TNKS2: variants seen among roughly 807,000 people sequenced by gnomAD.
TNKS2 encodes the protein tankyrase 2.
Under a neutral mutation model 137.6 loss-of-function variants are expected in TNKS2, and 72 were observed. The ratio of observed to expected loss-of-function variants is 0.52; its 90% CI spans 0.43 to 0.64. TNKS2 has a LOEUF of 0.64. Ranked by LOEUF, TNKS2 falls within the 30% of genes least tolerant of loss-of-function variation. The pLI, the probability that TNKS2 is intolerant of heterozygous loss-of-function variation, is 0.00. For missense variants in TNKS2, 1,049 were observed against 1,410.2 expected (o/e 0.74, Z 4.10); for synonymous variants, 516 against 512.1 (o/e 1.01, Z -0.10).
intron 7 of TNKS2, among the ~76,000 whole-genome samples, chr10:91,823,975 A>G (rs1009459311): frequency 6.6e-6 from 1 of 152,240 alleles, no homozygotes; most frequent in Non-Finnish European, 1.5e-5. Context: ...GTAAAACTGA[A>G]TCTTGACTCC....
intron 1 of TNKS2, among the ~76,000 whole-genome samples, chr10:91,807,865 G>C (rs1017992720): frequency 6.6e-6 from 1 of 151,916 alleles, no homozygotes; most frequent in Non-Finnish European, 1.5e-5. Context: ...GCGTGGTGGC[G>C]GGCACCTGTA....
chr10:91,822,866 A>G (rs1440879164), intron 7 of TNKS2, among the ~76,000 whole-genome samples: 3 of 152,008 alleles, frequency 2.0e-5, no homozygotes, highest in African/African-American at 2.4e-5. Context: ...CCTGGATACC[A>G]TATGTTTTTA....
At chr10:91,854,767 G>T (rs187264183) in intron 21 of TNKS2, among the ~76,000 whole-genome samples, 241 of 152,056 alleles carry the variant, frequency 1.6e-3, no homozygotes, top group African/African-American at 5.4e-3. Context: ...GCCAGTCGTG[G>T]TAGCGAATGC....
intron 18 of TNKS2, 91 bp downstream of exon 18, chr10:91,846,031 T>G: frequency 8.5e-7 from 1 of 1,174,144 alleles, no homozygotes; most frequent in African/African-American, 1.5e-5. Flanking sequence ...ATAGTCAATG[T>G]GAATGGCAAA....
At chr10:91,823,172 A>G (rs962317126) in intron 7 of TNKS2, among the ~76,000 whole-genome samples, 1 of 149,536 alleles carries the variant, frequency 6.7e-6, no homozygotes, top group Non-Finnish European at 1.5e-5. Context: ...AAACCACCAG[A>G]TATAATAGCA....
chr10:91,848,288 G>T (rs1448742400), intron 18 of TNKS2, 95 bp from the exon 19 acceptor site: 4 of 1,349,532 alleles, frequency 3.0e-6, no homozygotes, highest in Non-Finnish European at 3.9e-6. Flanking sequence ...GGCACAAATT[G>T]CTGGGTTTTC....
intron 18 of TNKS2, 47 bp downstream of exon 18, chr10:91,845,987 T>C (rs1311043086): frequency 7.0e-7 from 1 of 1,426,716 alleles, no homozygotes; most frequent in Non-Finnish European, 9.4e-7. Flanking sequence ...TCTGACTTGT[T>C]AAAATTCACT....
In TNKS2 at chr10:91,855,052, A is replaced by C; in HGVS notation, c.2839A>C (p.Asn947His). 1 of 1,609,868 alleles carries C rather than the reference A, an allele frequency of 6.2e-7. No individual in the cohort carries two copies. Among genetic ancestry groups the C allele is most frequent in the Non-Finnish European group, 8.5e-7 (1 of 1,176,714 alleles). The change falls in exon 22 of 27, where the codon AAC (asparagine) becomes CAC (histidine). Residue 947 changes from asparagine to histidine, a missense_variant. Physicochemically the swap from Asn to His is moderately conservative, Grantham distance 68 (BLOSUM62 1). Coordinates refer to ENST00000371627, the MANE Select transcript of TNKS2 (RefSeq NM_025235.4). ...QQGLNPYLTL[N>H]TSGSGTILID... ...AGGTCTTAACCCATATTTAACTTTG[A>C]ACACCTCTGGTAGTGGAACAATTCT...
chr10:91,800,112 CTT>C (rs1198082653), intron 1 of TNKS2, among the ~76,000 whole-genome samples: 1 of 152,062 alleles, frequency 6.6e-6, no homozygotes, highest in Admixed American at 6.6e-5. Flanking sequence ...ATTGGGGAGT[CTT>C]TTAAAAAGAA....
chr10:91,803,591 G>A (rs776290433), intron 1 of TNKS2, among the ~76,000 whole-genome samples: 26 of 152,166 alleles, frequency 1.7e-4, no homozygotes, highest in Admixed American at 6.5e-4. Context: ...CCGAGATTGC[G>A]CCATTGCACT....
intron 6 of TNKS2, among the ~76,000 whole-genome samples, chr10:91,821,399 A>G (rs921139291): frequency 1.3e-5 from 2 of 152,108 alleles, no homozygotes; most frequent in East Asian, 1.9e-4. Context: ...GTTAGGAACA[A>G]AATTGGTGCT....
At chr10:91,849,485 T>G in intron 19 of TNKS2, 27 bp from the exon 20 acceptor site, 1 of 1,565,474 alleles carries the variant, frequency 6.4e-7, no homozygotes, top group Non-Finnish European at 8.8e-7. Context: ...TGAAATTCCA[T>G]TTGTTTTGGA....
At position 91,841,146 on chromosome 10, in the gene TNKS2, A is replaced by T. The variant is rs568536717; in HGVS notation, c.1674-137A>T. On this transcript the variant is annotated intron_variant, in intron 14 of 26. Coordinates refer to ENST00000371627, the MANE Select transcript of TNKS2 (RefSeq NM_025235.4). ...CCAAAAAGAACTTATTTCTGCCTTAAATAGATTTAGGTTCTACAAAGTATA... is the reference window on the plus strand; with the variant it reads ...CCAAAAAGAACTTATTTCTGCCTTATATAGATTTAGGTTCTACAAAGTATA... The T allele has an allele frequency of 5.2e-6, 4 of 767,714 alleles. No individual in the cohort carries two copies. The East Asian group carries it at 1.3e-4, about 25-fold the overall frequency. The allele number at this position is 767,714 out of a possible 1,614,324, so 47.6% of individuals were successfully genotyped here. A position where few individuals can be genotyped will look rare whatever the true frequency, so the allele number is the denominator to read the frequency against.
At chr10:91,841,097 T>G (rs1842197306) in intron 14 of TNKS2, among the ~76,000 whole-genome samples, 186 bp from the exon 15 acceptor site, 1 of 152,176 alleles carries the variant, frequency 6.6e-6, no homozygotes, top group Non-Finnish European at 1.5e-5. Context: ...TTAAAACATT[T>G]TTTAAATGTT....
chr10:91,862,846 T>G, intron 26 of TNKS2, 91 bp from the exon 27 acceptor site: 2 of 832,310 alleles, frequency 2.4e-6, no homozygotes, highest in Non-Finnish European at 3.9e-6. Flanking sequence ...ATTTAGAACC[T>G]CCTCCCTAAG....
intron 18 of TNKS2, 104 bp downstream of exon 18, chr10:91,846,044 C>T (rs974269434): frequency 7.7e-6 from 8 of 1,040,640 alleles, no homozygotes; most frequent in Non-Finnish European, 1.0e-5. Context: ...ATGGCAAAAT[C>T]TGGGTTTTAG....
chr10:91,803,957 C>G (rs1188384875), intron 1 of TNKS2, among the ~76,000 whole-genome samples: 1 of 152,150 alleles, frequency 6.6e-6, no homozygotes, highest in African/African-American at 2.4e-5. Context: ...TCCTAAGAGT[C>G]TAAGTTGGTT....
chr10:91,804,115 A>G (rs1409937488), intron 1 of TNKS2, among the ~76,000 whole-genome samples: 1 of 152,102 alleles, frequency 6.6e-6, no homozygotes, highest in Non-Finnish European at 1.5e-5. Flanking sequence ...TGGCATCTAG[A>G]TAAGTAATAA....
intron 1 of TNKS2, among the ~76,000 whole-genome samples, chr10:91,806,042 C>CTTTTTTT (rs34004456): frequency 7.7e-5 from 10 of 130,060 alleles, no homozygotes; most frequent in Non-Finnish European, 1.3e-4. Context: ...CATTCTTTCT[C>CTTTTTTT]TTTTTTTTTT....
Sources: allele counts gnomAD v4.1 joint callset (sites outside exome capture counted in the v4.1 genomes callset), GRCh38; gene constraint gnomAD v4.1.1; transcripts MANE v1.5; gene names NCBI Gene and HGNC (gene_info 2026-07-23, HGNC 2026-07-21).